PRDM11: variants seen among roughly 807,000 people sequenced by gnomAD.
The protein encoded by PRDM11 is PR/SET domain 11.
Under a neutral mutation model 97.8 loss-of-function variants are expected in PRDM11, and 20 were observed. The observed-to-expected ratio is 0.20, with a 90% CI of 0.14 to 0.30. PRDM11 has a LOEUF of 0.30. PRDM11 is among the 10% of genes least tolerant of loss of function. The pLI, the probability that PRDM11 is intolerant of heterozygous loss-of-function variation, is 1.00. For missense variants in PRDM11, 1,139 were observed against 1,555.2 expected (o/e 0.73, Z 4.50); for synonymous variants, 599 against 637.7 (o/e 0.94, Z 0.91).
chr11:45,179,074 G>T (rs1852403088), intron 1 of PRDM11, among the ~76,000 whole-genome samples: 1 of 152,274 alleles, frequency 6.6e-6, no homozygotes, highest in African/African-American at 2.4e-5. Context: ...TGCAGGCTAG[G>T]ACTCAGCAAG....
intron 5 of PRDM11, among the ~76,000 whole-genome samples, chr11:45,205,955 C>T (rs1369182238): frequency 6.6e-6 from 1 of 152,164 alleles, no homozygotes; most frequent in Non-Finnish European, 1.5e-5. Flanking sequence ...CAGCGGGCCC[C>T]CTGCCTTGCA....
chr11:45,204,684 A>G (rs753483873), intron 4 of PRDM11, 27 bp from the exon 5 acceptor site: 2 of 1,595,080 alleles, frequency 1.3e-6, no homozygotes, highest in South Asian at 2.2e-5. Flanking sequence ...AGAATGGCCC[A>G]TCCTAGACTC....
intron 4 of PRDM11, among the ~76,000 whole-genome samples, chr11:45,189,799 G>C (rs896803835): frequency 1.3e-5 from 2 of 152,198 alleles, no homozygotes; most frequent in East Asian, 3.9e-4. Flanking sequence ...TAAGCAGACA[G>C]TTGCAGTGCT....
intron 1 of PRDM11, among the ~76,000 whole-genome samples, chr11:45,153,224 T>C (rs1851703593): frequency 6.6e-6 from 1 of 152,156 alleles, no homozygotes; most frequent in Admixed American, 6.5e-5. Flanking sequence ...TCCAGCAAAG[T>C]GCCTTAGGCT....
At chr11:45,214,366 CA>C (rs968872848) in intron 5 of PRDM11, 4 of 152,394 alleles carry the variant, frequency 2.6e-5, no homozygotes, top group African/African-American at 9.6e-5. Context: ...AGAAGTCCCC[CA>C]GCCAACCCCT....
chr11:45,156,863 G>A (rs1453609879), intron 1 of PRDM11, among the ~76,000 whole-genome samples: 2 of 152,164 alleles, frequency 1.3e-5, no homozygotes, highest in South Asian at 2.1e-4. Context: ...GGAGGGAGAG[G>A]GAAGGGCATT....
At chr11:45,101,634 G>A (rs1565220226) in intron 1 of PRDM11, among the ~76,000 whole-genome samples, 45 of 145,884 alleles carry the variant, frequency 3.1e-4, no homozygotes, top group African/African-American at 1.0e-3. Flanking sequence ...GCTGAGCAGA[G>A]GAAGAAGAAG....
At chr11:45,154,611 A>G (rs2135691318) in intron 1 of PRDM11, among the ~76,000 whole-genome samples, 1 of 152,092 alleles carries the variant, frequency 6.6e-6, no homozygotes, top group African/African-American at 2.4e-5. Context: ...TTGCAAAGTG[A>G]GGCACCCCAG....
intron 1 of PRDM11, among the ~76,000 whole-genome samples, chr11:45,105,155 G>A (rs899408379): frequency 6.6e-6 from 1 of 152,228 alleles, no homozygotes; most frequent in Non-Finnish European, 1.5e-5. Context: ...TCTTCACAGA[G>A]TATAAGTGAT....
At chr11:45,151,747 T>G (rs1309665089) in intron 1 of PRDM11, among the ~76,000 whole-genome samples, 1 of 152,154 alleles carries the variant, frequency 6.6e-6, no homozygotes, top group Non-Finnish European at 1.5e-5. Flanking sequence ...GGTTGGCCTT[T>G]GGAGAGTGAG....
rs1854420323 is a variant in PRDM11 at position 45,232,637 on chromosome 11, G to C, written c.*4478G>C. On this transcript the variant is annotated 3_prime_UTR_variant, in exon 8 of 8. Transcript: ENST00000683152. The stretch of plus-strand genomic sequence containing the variant: ...GACACCAGTCTTCTGGGGAGGTGGT[G>C]CCGTGTCATGGGTTCTAGTCTGGCC... The C allele has an allele frequency of 6.6e-6, 1 of 152,320 alleles. No individual in the cohort carries two copies. Among genetic ancestry groups the C allele is most frequent in the African/African-American group, 2.4e-5 (1 of 41,470 alleles). 9.4% of individuals were successfully genotyped at this position (152,320 alleles called of 1,614,324 possible). A position where few individuals can be genotyped will look rare whatever the true frequency, so the allele number is the denominator to read the frequency against.
At chr11:45,145,923 G>T (rs1055478174), upstream of PRDM11, among the ~76,000 whole-genome samples, 3 of 152,166 alleles carry the variant, frequency 2.0e-5, no homozygotes, top group Admixed American at 2.0e-4. Flanking sequence ...CCATTTCACA[G>T]ATGGAGAAAC....
chr11:45,111,749 C>T (rs184593164), intron 1 of PRDM11, among the ~76,000 whole-genome samples: 9 of 152,182 alleles, frequency 5.9e-5, no homozygotes, highest in East Asian at 5.8e-4. Flanking sequence ...GCTTCCATCG[C>T]GGAACACAAC....
chr11:45,105,751 C>T (rs1294548022), intron 1 of PRDM11, among the ~76,000 whole-genome samples: 1 of 152,236 alleles, frequency 6.6e-6, no homozygotes, highest in Non-Finnish European at 1.5e-5. Flanking sequence ...CTCCCTCTCC[C>T]TGGGGGCAGC....
At chr11:45,222,193 T>C (rs1472194852) in intron 6 of PRDM11, among the ~76,000 whole-genome samples, 1 of 152,246 alleles carries the variant, frequency 6.6e-6, no homozygotes, top group East Asian at 1.9e-4. Flanking sequence ...TGAGGTTTTC[T>C]TTGTTTTTGT....
At chr11:45,182,017 G>T in intron 2 of PRDM11, 132 bp downstream of exon 2, 1 of 876,836 alleles carries the variant, frequency 1.1e-6, no homozygotes, top group Non-Finnish European at 1.7e-6. Context: ...GGCAGCTCCT[G>T]GGCGCAGGCT....
rs576320274 is a variant in PRDM11 at position 45,202,706 on chromosome 11, G to T, written c.487-2005G>T. On this transcript the variant is annotated intron_variant, in intron 4 of 7. Transcript: ENST00000683152. ...AGAGAAGAAGTTGGAGGCAGAGAGGGTCTTCCACTGCATCTCAGCATTTTC... is the reference window on the plus strand; with the variant it reads ...AGAGAAGAAGTTGGAGGCAGAGAGGTTCTTCCACTGCATCTCAGCATTTTC... Among the ~76,000 whole-genome samples, 59 of 152,092 alleles carry T rather than the reference G, an allele frequency of 3.9e-4. 1 individual carries two copies. The highest frequency in any genetic ancestry group is 6.6e-4 in the Non-Finnish European group (45 of 68,010).
chr11:45,187,868 T>G (rs1362973960), intron 4 of PRDM11, among the ~76,000 whole-genome samples: 1 of 151,654 alleles, frequency 6.6e-6, no homozygotes, highest in Non-Finnish European at 1.5e-5. Flanking sequence ...TGGCCTCCAC[T>G]GGGGAAAAGC....
At chr11:45,135,517 G>A (rs562596597) in intron 1 of PRDM11, among the ~76,000 whole-genome samples, 2 of 152,048 alleles carry the variant, frequency 1.3e-5, no homozygotes, top group African/African-American at 2.4e-5. Flanking sequence ...CTTTCCAACA[G>A]CAAGGACAAT....
Sources: gnomAD v4.1 joint callset for allele counts (sites outside exome capture counted in the v4.1 genomes callset) on GRCh38, gnomAD v4.1.1 for gene constraint, MANE v1.5 for transcripts, NCBI Gene and HGNC (gene_info 2026-07-23, HGNC 2026-07-21) for gene names.